Variants in POR observed in about 807,000 individuals in gnomAD.
The protein encoded by POR is NADPH--cytochrome P450 reductase.
In POR, 56 loss-of-function variants were observed where a neutral mutation model predicts 84.0. The ratio of observed to expected loss-of-function variants is 0.67; its 90% CI spans 0.54 to 0.83. The LOEUF (loss-of-function observed/expected upper bound fraction) is 0.83, where lower values mean the gene tolerates loss of function less well. Ranked by LOEUF, POR falls within the 40% of genes least tolerant of loss-of-function variation. POR has a pLI of 0.00. For synonymous variants in POR, 414 were observed against 400.5 expected, an observed-to-expected ratio of 1.03 and a Z score of -0.40; for missense variants, 938 against 944.3, an observed-to-expected ratio of 0.99 and a Z score of 0.09.
chr7:75,960,319 T>TAATA (rs1206255253), intron 2 of POR, among the ~76,000 whole-genome samples: 2 of 150,336 alleles, frequency 1.3e-5, no homozygotes, highest in African/African-American at 4.9e-5. Context: ...ATAATAATAA[T>TAATA]ATATAATAAT....
chr7:75,922,004 G>T (rs1433332916), intron 1 of POR, among the ~76,000 whole-genome samples: 2 of 152,182 alleles, frequency 1.3e-5, no homozygotes, highest in African/African-American at 2.4e-5. Flanking sequence ...ACTGTGCCCG[G>T]TCACTGTCAC....
At chr7:75,982,473 G>A (rs1374890571) in intron 8 of POR, among the ~76,000 whole-genome samples, 151 bp downstream of exon 8, 6 of 152,130 alleles carry the variant, frequency 3.9e-5, no homozygotes, top group South Asian at 2.1e-4. Context: ...ACCTGTCCAC[G>A]GCCCGGCCCC....
At chr7:75,982,445 T>C in intron 8 of POR, 123 bp downstream of exon 8, 2 of 776,804 alleles carry the variant, frequency 2.6e-6, no homozygotes, top group Non-Finnish European at 4.2e-6. Context: ...GTGCCCCGAG[T>C]GGGTGTGAGT....
At chr7:75,919,146 C>T (rs572202735) in intron 1 of POR, among the ~76,000 whole-genome samples, 6 of 151,936 alleles carry the variant, frequency 3.9e-5, no homozygotes, top group South Asian at 2.1e-4. Context: ...TTACAGGCAC[C>T]GGCCACCATG....
chr7:75,984,299 G>T (rs1423771767), intron 10 of POR, among the ~76,000 whole-genome samples: 1 of 152,186 alleles, frequency 6.6e-6, no homozygotes, highest in African/African-American at 2.4e-5. Flanking sequence ...ACGCGGGGCT[G>T]CCTGGGCCTG....
intron 2 of POR, 77 bp downstream of exon 2, chr7:75,954,257 C>T (rs1554553426): frequency 7.0e-7 from 1 of 1,427,202 alleles, no homozygotes; most frequent in Non-Finnish European, 9.6e-7. Flanking sequence ...ATGCGGGCCT[C>T]AGGCTGAAAG....
intron 1 of POR, among the ~76,000 whole-genome samples, chr7:75,935,753 C>CAGATTAATT (rs1807646634): frequency 6.6e-6 from 1 of 151,840 alleles, no homozygotes; most frequent in African/African-American, 2.4e-5. Context: ...TCAGCCAGCT[C>CAGATTAATT]AGATTAATTA....
At chr7:75,928,043 C>G (rs528821763) in intron 1 of POR, among the ~76,000 whole-genome samples, 54 of 148,458 alleles carry the variant, frequency 3.6e-4, no homozygotes, top group African/African-American at 1.3e-3. Flanking sequence ...ACAATCTTCA[C>G]TTACCACAAC....
At chr7:75,921,460 C>T (rs1806862003) in intron 1 of POR, among the ~76,000 whole-genome samples, 1 of 152,080 alleles carries the variant, frequency 6.6e-6, no homozygotes, top group Admixed American at 6.6e-5. Flanking sequence ...CAGGGTTTCA[C>T]TGTGTTGGCC....
At chr7:75,941,513 T>C (rs1807979281) in intron 1 of POR, among the ~76,000 whole-genome samples, 1 of 152,192 alleles carries the variant, frequency 6.6e-6, no homozygotes, top group Non-Finnish European at 1.5e-5. Flanking sequence ...GCCCAGTCAG[T>C]ACAGAGCTCC....
chr7:75,979,899 T>C (rs2116584225), intron 4 of POR: 1 of 377,616 alleles, frequency 2.6e-6, no homozygotes, highest in Non-Finnish European at 5.0e-6. Context: ...CCCCTCTCCT[T>C]CGAGGTCTTG....
At chr7:75,978,748 T>C (rs1216193456) in intron 3 of POR, among the ~76,000 whole-genome samples, 3 of 151,882 alleles carry the variant, frequency 2.0e-5, no homozygotes, top group African/African-American at 7.3e-5. Context: ...GGTCTTGAAC[T>C]CTCGACCTCA....
At chr7:75,924,504 A>G (rs1429999594) in intron 1 of POR, among the ~76,000 whole-genome samples, 1 of 152,140 alleles carries the variant, frequency 6.6e-6, no homozygotes, top group Non-Finnish European at 1.5e-5. Flanking sequence ...CCACATGGCA[A>G]AACACCATCT....
At chr7:75,923,296 AT>A in intron 1 of POR, 1 of 1,223,640 alleles carries the variant, frequency 8.2e-7, no homozygotes. Flanking sequence ...CCAAGGAAGC[AT>A]TTCCAGGAGA....
In POR at chr7:75,982,251, C is replaced by T; in HGVS notation, c.759C>T (p.His253=). Residue 253 remains histidine, a synonymous_variant, in exon 8 of 16, where the codon CAC becomes CAT. Coordinates refer to ENST00000461988, the MANE Select transcript of POR (RefSeq NM_000941.3). ...TTCGCCAGTACGAGCTTGTGGTCCA[C>T]ACCGACATAGATGCGGCCAAGGTGT... 1.2e-6 allele frequency: 2 copies of T among 1,612,588 alleles called. No homozygotes were observed. The highest frequency in any genetic ancestry group is 1.7e-6 in the Non-Finnish European group (2 of 1,179,464).
intron 4 of POR, 96 bp downstream of exon 4, chr7:75,979,675 GA>G: frequency 2.6e-6 from 4 of 1,523,282 alleles, no homozygotes; most frequent in Non-Finnish European, 3.6e-6. Flanking sequence ...GGCCGGCAGG[GA>G]GTGGGGTCCT....
chr7:75,918,358 C>A (rs1806681718), intron 1 of POR, among the ~76,000 whole-genome samples: 1 of 152,150 alleles, frequency 6.6e-6, no homozygotes, highest in Non-Finnish European at 1.5e-5. Context: ...GTTTTGTCAT[C>A]TGGCATTGGG....
chr7:75,954,085 G>A lies in POR; in HGVS notation c.93G>A (p.Met31Ile). 2 of 1,613,178 alleles carry A rather than the reference G, an allele frequency of 1.2e-6. No individual in the cohort carries two copies. The highest frequency in any genetic ancestry group is 1.7e-6 in the Non-Finnish European group (2 of 1,179,514). ...TATCTCTTTTCAGCATGACGGACAT[G>A]ATTCTGTTTTCGCTCATCGTGGGTC... is the stretch of plus-strand genomic sequence containing the variant. The change falls in exon 2 of 16, where the codon ATG (methionine) becomes ATA (isoleucine). Residue 31 changes from methionine to isoleucine, a missense_variant. Physicochemically the swap from Met to Ile is conservative, Grantham distance 10. Coordinates refer to ENST00000461988, the MANE Select transcript of POR (RefSeq NM_000941.3).
chr7:75,932,530 T>A (rs999762596), intron 1 of POR, among the ~76,000 whole-genome samples: 1 of 152,186 alleles, frequency 6.6e-6, no homozygotes, highest in Non-Finnish European at 1.5e-5. Flanking sequence ...AGACTTATGT[T>A]GAAAATATAT....
Sources: allele counts gnomAD v4.1 joint callset (sites outside exome capture counted in the v4.1 genomes callset), GRCh38; gene constraint gnomAD v4.1.1; transcripts MANE v1.5; gene names NCBI Gene and HGNC (gene_info 2026-07-23, HGNC 2026-07-21).